The following CBLB variants were observed in gnomAD, a reference collection of about 807,000 sequenced individuals.
CBLB encodes the protein Cbl proto-oncogene B.
CBLB carries 31 observed loss-of-function variants against 104.9 expected under a neutral mutation model. The observed-to-expected ratio is 0.30, with a 90% CI of 0.22 to 0.40. The LOEUF is 0.40. Ranked by LOEUF, CBLB falls within the 10% of genes least tolerant of loss-of-function variation. The probability of loss-of-function intolerance (pLI) is 1.00; values close to 1 mark genes in which losing one functional copy is unlikely to be tolerated. For synonymous variants in CBLB, 440 were observed against 422.6 expected (o/e 1.04, Z -0.51); for missense variants, 1,062 against 1,214.6 (o/e 0.87, Z 1.87).
intron 12 of CBLB, among the ~76,000 whole-genome samples, chr3:105,701,445 G>A (rs964981933): frequency 1.3e-5 from 2 of 152,128 alleles, no homozygotes; most frequent in South Asian, 2.1e-4. Flanking sequence ...GTAAAAATTG[G>A]ATGGAACTAA....
chr3:105,819,477 ACT>A (rs1325211136), intron 3 of CBLB, among the ~76,000 whole-genome samples: 6 of 150,744 alleles, frequency 4.0e-5, no homozygotes, highest in African/African-American at 1.5e-4. Context: ...ACAGAGCAAG[ACT>A]CCACCTCTCA....
At chr3:105,748,025 A>G (rs1353625018) in intron 5 of CBLB, among the ~76,000 whole-genome samples, 1 of 152,244 alleles carries the variant, frequency 6.6e-6, no homozygotes, top group Non-Finnish European at 1.5e-5. Context: ...CATTCAAAAC[A>G]GAAACATGTA....
chr3:105,751,221 A>G (rs576598565), intron 5 of CBLB, among the ~76,000 whole-genome samples: 2 of 152,322 alleles, frequency 1.3e-5, no homozygotes, highest in Admixed American at 6.5e-5. Flanking sequence ...CTCAAAGCTA[A>G]CAAGCAGCCA....
chr3:105,702,659 A>C (rs1266213293), intron 11 of CBLB, among the ~76,000 whole-genome samples, 200 bp from the exon 12 acceptor site: 3 of 152,106 alleles, frequency 2.0e-5, no homozygotes, highest in African/African-American at 7.2e-5. Context: ...AAAAACTCAT[A>C]AATACATTTC....
chr3:105,707,967 T>C (rs2070448124), intron 10 of CBLB, among the ~76,000 whole-genome samples: 1 of 152,066 alleles, frequency 6.6e-6, no homozygotes, highest in African/African-American at 2.4e-5. Context: ...TATTTTTGCA[T>C]TTTAAAAGAC....
chr3:105,832,985 T>C (rs2087802280), intron 3 of CBLB, among the ~76,000 whole-genome samples: 1 of 151,992 alleles, frequency 6.6e-6, no homozygotes, highest in Non-Finnish European at 1.5e-5. Context: ...ATACGAAAGA[T>C]GTGTTAGGTA....
At chr3:105,675,884 C>A (rs79587054) in intron 17 of CBLB, among the ~76,000 whole-genome samples, 1,684 of 81,422 alleles carry the variant, frequency 0.021, no homozygotes, top group Admixed American at 0.032. Flanking sequence ...GACCCTGTCT[C>A]AAAAAAAAAA....
At chr3:105,683,917 C>A (rs996589468) in intron 14 of CBLB, among the ~76,000 whole-genome samples, 2 of 152,204 alleles carry the variant, frequency 1.3e-5, no homozygotes, top group African/African-American at 4.8e-5. Context: ...TAATTCTAAC[C>A]AGGGTCACTT....
chr3:105,867,467 C>T lies in CBLB; in HGVS notation c.111G>A (p.Lys37=). 3.1e-6 allele frequency: 5 copies of T among 1,614,166 alleles called. No homozygotes were observed. The highest frequency in any genetic ancestry group is 2.5e-6 in the Non-Finnish European group (3 of 1,180,018). Reference sequence around the variant, plus strand: ...CGGTCCTGCGATCTGCGGCAGCTTGCTTAGGGGGTCCAACTGCATCCTGAA... The same window carrying T: ...CGGTCCTGCGATCTGCGGCAGCTTGTTTAGGGGGTCCAACTGCATCCTGAA... ...DAIQDAVGPP[K]QAAADRRTVE... The change falls in exon 2 of 19, where the codon AAG becomes AAA. Residue 37 remains lysine, a synonymous_variant. Transcript: ENST00000394030.
At chr3:105,709,637 C>G (rs767392400) in intron 10 of CBLB, among the ~76,000 whole-genome samples, 1 of 151,852 alleles carries the variant, frequency 6.6e-6, no homozygotes, top group Non-Finnish European at 1.5e-5. Context: ...ATTTACAAAA[C>G]CATTCCTGTG....
At chr3:105,859,736 C>A (rs1443222040) in intron 2 of CBLB, among the ~76,000 whole-genome samples, 1 of 150,984 alleles carries the variant, frequency 6.6e-6, no homozygotes, top group East Asian at 1.9e-4. Context: ...ATTACAGTGA[C>A]CTAAAGTATA....
chr3:105,797,892 T>C (rs1156766864), intron 3 of CBLB, among the ~76,000 whole-genome samples: 1 of 152,204 alleles, frequency 6.6e-6, no homozygotes, highest in Admixed American at 6.5e-5. Flanking sequence ...GGAAGCTCTA[T>C]CCTTTTGATT....
At chr3:105,761,378 C>G (rs186750200) in intron 4 of CBLB, among the ~76,000 whole-genome samples, 30 of 152,284 alleles carry the variant, frequency 2.0e-4, no homozygotes, top group African/African-American at 7.0e-4. Context: ...GTTTCCCCAC[C>G]CAAATCTCAT....
intron 3 of CBLB, among the ~76,000 whole-genome samples, chr3:105,808,836 T>C (rs540595069): frequency 6.6e-6 from 1 of 152,338 alleles, no homozygotes; most frequent in East Asian, 1.9e-4. Context: ...AGTTTTTAAA[T>C]ATCACTTTAG....
chr3:105,864,503 G>T (rs1052358855), intron 2 of CBLB, among the ~76,000 whole-genome samples: 1 of 152,138 alleles, frequency 6.6e-6, no homozygotes, highest in Non-Finnish European at 1.5e-5. Flanking sequence ...GAGGGCTTCT[G>T]GGTCGGCTAT....
At chr3:105,786,899 T>C (rs1012230645) in intron 3 of CBLB, among the ~76,000 whole-genome samples, 2 of 152,212 alleles carry the variant, frequency 1.3e-5, no homozygotes, top group African/African-American at 4.8e-5. Flanking sequence ...CCCAACCAGA[T>C]GATTCAATTA....
chr3:105,746,560 C>T (rs2197208), intron 5 of CBLB, among the ~76,000 whole-genome samples: 16,904 of 152,152 alleles, frequency 0.11, 1,189 homozygotes, highest in East Asian at 0.41. Context: ...TTGTATTTGC[C>T]GATGCCTTTA....
chr3:105,706,388 T>C (rs1205035746), intron 10 of CBLB, among the ~76,000 whole-genome samples: 1 of 152,162 alleles, frequency 6.6e-6, no homozygotes, highest in Non-Finnish European at 1.5e-5. Context: ...AAAAATTCAA[T>C]TGTCACTGAA....
intron 2 of CBLB, among the ~76,000 whole-genome samples, chr3:105,867,121 A>C (rs2092468954): frequency 6.6e-6 from 1 of 152,256 alleles, no homozygotes; most frequent in Non-Finnish European, 1.5e-5. Flanking sequence ...ACTTCCAAGC[A>C]TTCTATGGCC....
Sources: gnomAD v4.1 joint callset for allele counts (sites outside exome capture counted in the v4.1 genomes callset) on GRCh38, gnomAD v4.1.1 for gene constraint, MANE v1.5 for transcripts, NCBI Gene and HGNC (gene_info 2026-07-23, HGNC 2026-07-21) for gene names.